The following TENM2 variants were observed in gnomAD, a reference collection of about 807,000 sequenced individuals.
The protein encoded by TENM2 is teneurin-2.
Under a neutral mutation model 245.2 loss-of-function variants are expected in TENM2, and 52 were observed. The ratio of observed to expected loss-of-function variants is 0.21; its 90% confidence interval spans 0.17 to 0.27. The LOEUF (loss-of-function observed/expected upper bound fraction) is 0.27. Among genes scored for constraint, TENM2 ranks in the 10% least tolerant of loss-of-function variants. The probability of loss-of-function intolerance (pLI) is 1.00; values close to 1 mark genes in which losing one functional copy is unlikely to be tolerated. For missense variants in TENM2, 3,046 were observed against 3,666.8 expected, an observed-to-expected ratio of 0.83 and a Z score of 4.37; for synonymous variants, 1,363 against 1,438.9, an observed-to-expected ratio of 0.95 and a Z score of 1.19.
intron 2 of TENM2, among the ~76,000 whole-genome samples, chr5:167,848,536 C>T (rs1770269960): frequency 6.6e-6 from 1 of 152,208 alleles, no homozygotes; most frequent in Non-Finnish European, 1.5e-5. Context: ...TGGGCTGCCA[C>T]AGGGCCAACT....
chr5:168,262,693 C>T lies in TENM2; in HGVS notation c.8208C>T (p.Thr2736=), dbSNP rs373979082. The T allele has an allele frequency of 2.9e-4, 472 of 1,610,126 alleles. No homozygotes were observed. The highest frequency in any genetic ancestry group is 9.5e-4 in the South Asian group (85 of 89,908). The change falls in exon 29 of 29, where the codon ACC becomes ACT. Residue 2736 remains threonine, a synonymous_variant. Transcript: ENST00000518659. ...GCGAGAAGCAGCAGCTTCTGAGCACCGGGCGCGTGCAAGGGTACGAGGGAT... is the reference window on the plus strand; with the variant it reads ...GCGAGAAGCAGCAGCTTCTGAGCACTGGGCGCGTGCAAGGGTACGAGGGAT...
exon 4 of TENM2, chr5:167,952,697 A>G: frequency 1.2e-6 from 2 of 1,611,812 alleles, no homozygotes; most frequent in Non-Finnish European, 1.7e-6. Flanking sequence ...ACAGGAACTC[A>G]CTGACCAATC....
chr5:167,514,959 C>T (rs773549999), intron 2 of TENM2, among the ~76,000 whole-genome samples: 4 of 152,084 alleles, frequency 2.6e-5, no homozygotes, highest in Non-Finnish European at 5.9e-5. Context: ...TGCGGTGAGC[C>T]GAGATCAAGC....
chr5:167,248,632 G>A, the TENM2 span, among the ~76,000 whole-genome samples: 1 of 152,156 alleles, frequency 6.6e-6, no homozygotes, highest in Non-Finnish European at 1.5e-5. Context: ...GATGCTGTGT[G>A]TGTGTGTTGG....
chr5:167,403,862 C>G lies in TENM2; in HGVS notation c.502+28389C>G, dbSNP rs548640116. Among the ~76,000 whole-genome samples, 13 of 150,292 alleles carry G rather than the reference C, an allele frequency of 8.6e-5. No homozygotes were observed. The South Asian group carries it at 2.5e-3, about 29-fold the overall frequency. ...TATAGACATAACACTAACCTCCTTC[C>G]TTCCTTGGCCAAGTTTCTTTATAGC... On this transcript the variant is annotated intron_variant, in intron 2 of 28. Transcript: ENST00000518659.
chr5:168,080,258 T>C (rs184961365), intron 7 of TENM2, among the ~76,000 whole-genome samples: 5 of 152,340 alleles, frequency 3.3e-5, no homozygotes, highest in African/African-American at 1.2e-4. Flanking sequence ...TTTGTATTTC[T>C]GTGGGATCGA....
intron 25 of TENM2, among the ~76,000 whole-genome samples, chr5:168,229,025 ATACAT>A (rs1050176281): frequency 4.1e-5 from 6 of 148,116 alleles, no homozygotes; most frequent in Non-Finnish European, 5.9e-5. Context: ...ACATAATAAT[ATACAT>A]TACATTATAT....
chr5:167,950,902 G>C (rs1780042126), intron 3 of TENM2, among the ~76,000 whole-genome samples: 1 of 152,218 alleles, frequency 6.6e-6, no homozygotes. Flanking sequence ...TGGAGGACAT[G>C]ATTTAAAATC....
chr5:167,316,911 A>G (rs1270208667), intron 1 of TENM2, among the ~76,000 whole-genome samples: 1 of 152,168 alleles, frequency 6.6e-6, no homozygotes, highest in Non-Finnish European at 1.5e-5. Context: ...ATGCTCTTCT[A>G]AGACTGTTGC....
chr5:167,215,822 A>G, the TENM2 span, among the ~76,000 whole-genome samples: 1 of 152,220 alleles, frequency 6.6e-6, no homozygotes, highest in Non-Finnish European at 1.5e-5. Context: ...TCAGGTATCA[A>G]TGATTCTTTC....
chr5:167,865,608 A>T (rs367758829), intron 2 of TENM2, among the ~76,000 whole-genome samples: 4 of 152,264 alleles, frequency 2.6e-5, no homozygotes, highest in African/African-American at 9.6e-5. Context: ...TGCGTTCTAA[A>T]GTCTGAAAAT....
At chr5:168,181,744 T>G (rs1178111796) in intron 13 of TENM2, among the ~76,000 whole-genome samples, 8 of 138,844 alleles carry the variant, frequency 5.8e-5, no homozygotes, top group Non-Finnish European at 9.2e-5. Flanking sequence ...TGATGCAATC[T>G]CAGCTCACTG....
At chr5:167,365,124 T>C (rs144592356) in intron 1 of TENM2, among the ~76,000 whole-genome samples, 515 of 152,092 alleles carry the variant, frequency 3.4e-3, no homozygotes, top group Middle Eastern at 0.01. Flanking sequence ...AAGCATGTAA[T>C]TTAGAAATCG....
At chr5:167,093,772 G>A in the TENM2 span, among the ~76,000 whole-genome samples, 18 of 152,258 alleles carry the variant, frequency 1.2e-4, no homozygotes, top group South Asian at 3.7e-3. Context: ...ATTTGGGTAG[G>A]TAGAAAAAGT....
chr5:167,965,890 A>G (rs1781352955), intron 4 of TENM2, among the ~76,000 whole-genome samples: 2 of 152,194 alleles, frequency 1.3e-5, no homozygotes, highest in African/African-American at 4.8e-5. Flanking sequence ...CCATATGATA[A>G]TGCCTGGGGA....
the TENM2 span, among the ~76,000 whole-genome samples, chr5:167,203,179 C>T: frequency 6.6e-6 from 1 of 152,146 alleles, no homozygotes; most frequent in Admixed American, 6.5e-5. Context: ...TTGAAATCTT[C>T]AGGGGCTCTC....
chr5:167,585,008 C>T (rs940848910), intron 2 of TENM2, among the ~76,000 whole-genome samples: 2 of 152,108 alleles, frequency 1.3e-5, no homozygotes, highest in African/African-American at 4.8e-5. Flanking sequence ...ATCAATAACT[C>T]TTGAATGAAT....
chr5:167,657,496 G>A (rs1268635788), intron 2 of TENM2, among the ~76,000 whole-genome samples: 2 of 152,142 alleles, frequency 1.3e-5, no homozygotes, highest in Non-Finnish European at 2.9e-5. Context: ...TTGGATAAAT[G>A]CCCAGTAGTG....
At chr5:167,711,081 G>T (rs1758876719) in intron 2 of TENM2, among the ~76,000 whole-genome samples, 1 of 152,118 alleles carries the variant, frequency 6.6e-6, no homozygotes, top group Admixed American at 6.5e-5. Context: ...TGAGAAAAAT[G>T]GGGCTCAGAG....
Sources: allele counts gnomAD v4.1 joint callset (sites outside exome capture counted in the v4.1 genomes callset), GRCh38; gene constraint gnomAD v4.1.1; transcripts MANE v1.5; gene names NCBI Gene and HGNC (gene_info 2026-07-23, HGNC 2026-07-21).